ARHGEF6: variants seen among roughly 807,000 people sequenced by gnomAD.
The protein encoded by ARHGEF6 is Rac/Cdc42 guanine nucleotide exchange factor 6.
ARHGEF6 carries 9 observed loss-of-function variants against 70.3 expected under a neutral mutation model. The ratio of observed to expected loss-of-function variants is 0.13; its 90% CI spans 0.08 to 0.22. The LOEUF (loss-of-function observed/expected upper bound fraction) is 0.22. ARHGEF6 is among the 10% of genes least tolerant of loss of function. The pLI, the probability that ARHGEF6 is intolerant of heterozygous loss-of-function variation, is 1.00. For missense variants in ARHGEF6, 470 were observed against 563.0 expected, an observed-to-expected ratio of 0.83 and a Z score of 1.67; for synonymous variants, 201 against 207.8, an observed-to-expected ratio of 0.97 and a Z score of 0.28.
chrX:136,671,442 A>G (rs573635403), intron 20 of ARHGEF6, among the ~76,000 whole-genome samples: 1 of 112,500 alleles, frequency 8.9e-6, no homozygotes, highest in South Asian at 3.7e-4. Flanking sequence ...TAATTTTATG[A>G]GCCAGAAGGT....
intron 6 of ARHGEF6, among the ~76,000 whole-genome samples, chrX:136,723,886 C>T (rs757229806): frequency 6.3e-5 from 7 of 110,563 alleles, no homozygotes; most frequent in Non-Finnish European, 7.6e-5. Context: ...AATCAAATCG[C>T]GCCACTGCAC....
intron 12 of ARHGEF6, among the ~76,000 whole-genome samples, chrX:136,684,845 A>C (rs2076368379): frequency 9.0e-6 from 1 of 111,360 alleles, no homozygotes; most frequent in East Asian, 2.8e-4. Flanking sequence ...ACTCCTTCTC[A>C]CTTTCCATCC....
At chrX:136,773,143 G>A (rs664495) in intron 2 of ARHGEF6, among the ~76,000 whole-genome samples, 39,687 of 110,147 alleles carry the variant, frequency 0.36, 6,001 homozygotes, top group East Asian at 0.69. Context: ...TCAATTTGTC[G>A]GTACGGTGCT....
chrX:136,744,788 C>A (rs187989019), intron 4 of ARHGEF6, among the ~76,000 whole-genome samples: 1 of 111,779 alleles, frequency 8.9e-6, no homozygotes, highest in African/African-American at 3.3e-5. Flanking sequence ...TAAAATCAAG[C>A]CTTCCTCATT....
intron 19 of ARHGEF6, 86 bp from the exon 20 acceptor site, chrX:136,672,205 T>G: frequency 1.4e-6 from 1 of 736,783 alleles, no homozygotes. Flanking sequence ...TTTCCACTAT[T>G]GTTACAGAAG....
Position 136,754,348 on chromosome X carries a change from G to A in ARHGEF6, c.250-6756C>T, listed in dbSNP as rs778997879. 5.4e-5 allele frequency among the ~76,000 whole-genome samples: 6 copies of A among 110,952 alleles called. No homozygotes were observed. The East Asian group carries it at 1.4e-3, about 26-fold the overall frequency. On this transcript the variant is annotated intron_variant, in intron 2 of 21. Coordinates refer to ENST00000250617, the MANE Select transcript of ARHGEF6 (RefSeq NM_004840.3). Reference sequence around the variant, plus strand: ...CACCTGTAATCCCAGCACCTTGGGAGGCCGAGGTAGGTGGATCACTTGAGT... The same window carrying A: ...CACCTGTAATCCCAGCACCTTGGGAAGCCGAGGTAGGTGGATCACTTGAGT...
intron 18 of ARHGEF6, among the ~76,000 whole-genome samples, chrX:136,676,184 T>C (rs753907213): frequency 3.2e-4 from 36 of 112,225 alleles, no homozygotes; most frequent in Non-Finnish European, 6.0e-4. Flanking sequence ...TGAAACTATG[T>C]TTCTAGATGT....
chrX:136,680,817 A>C lies in ARHGEF6; in HGVS notation c.1618T>G (p.Leu540Val), dbSNP rs1194539794. 1 of 1,209,887 alleles carries C rather than the reference A, an allele frequency of 8.3e-7. No individual in the cohort carries two copies. The highest frequency in any genetic ancestry group is 3.0e-5 in the East Asian group (1 of 33,785). The change falls in exon 15 of 22, where the codon TTG becomes GTG. Residue 540 changes from leucine (L) to valine (V), a missense_variant. Leu to Val is a conservative substitution (Grantham distance 32, BLOSUM62 1). This residue lies in a region of ARHGEF6 where 379 missense variants were observed against 449.3 expected (regional missense o/e 0.84). Coordinates refer to ENST00000250617, the MANE Select transcript of ARHGEF6 (RefSeq NM_004840.3). ...CNNNQDFQEWLEQLNRLIRGP... is the reference protein window; with the variant it reads ...CNNNQDFQEWVEQLNRLIRGP... ...CTGATCAGTCTGTTCAGCTGCTCCA[A>C]CCATTCCTGGAAGTCCTGGTTGTTG... is the stretch of plus-strand genomic sequence containing the variant.
intron 5 of ARHGEF6, among the ~76,000 whole-genome samples, chrX:136,738,779 C>T (rs182648212): frequency 8.9e-6 from 1 of 112,482 alleles, no homozygotes; most frequent in African/African-American, 3.2e-5. Flanking sequence ...TCAAGCTGGA[C>T]CTCTAGACTT....
Position 136,743,728 on chromosome X carries a change from T to C in ARHGEF6, c.518A>G (p.Gln173Arg). Reference sequence around the variant, plus strand: ...AACTGACAGTTCATCCTCATTAGTCTGCTTAAAGTTGAATCTTGCTTTTAC... The same window carrying C: ...AACTGACAGTTCATCCTCATTAGTCCGCTTAAAGTTGAATCTTGCTTTTAC... Reference protein sequence around the residue: ...LIVKARFNFKQTNEDELSVCK... With the variant: ...LIVKARFNFKRTNEDELSVCK... Residue 173 changes from glutamine to arginine, a missense_variant, in exon 5 of 22, where the codon CAG becomes CGG. By Grantham distance (43) the Gln-to-Arg change is conservative. Coordinates refer to ENST00000250617, the MANE Select transcript of ARHGEF6 (RefSeq NM_004840.3). 1 of 1,212,017 alleles carries C rather than the reference T, an allele frequency of 8.3e-7. No homozygotes were observed. The highest frequency in any genetic ancestry group is 3.0e-5 in the East Asian group (1 of 33,848).
At chrX:136,708,264 G>A (rs912426018) in intron 8 of ARHGEF6, among the ~76,000 whole-genome samples, 1 of 109,897 alleles carries the variant, frequency 9.1e-6, no homozygotes, top group Non-Finnish European at 1.9e-5. Flanking sequence ...CCTAATGCAT[G>A]CAGGGCTTAA....
chrX:136,684,929 C>T (rs1036286251), intron 12 of ARHGEF6, among the ~76,000 whole-genome samples: 1 of 111,865 alleles, frequency 8.9e-6, no homozygotes, highest in African/African-American at 3.3e-5. Context: ...TAGTGTGAAA[C>T]ATCCCTTTCG....
rs749267564 is a variant in ARHGEF6, at chrX:136,776,524, G to A, written c.249+2890C>T. ...TGAACCTGGATCCTCATCTCTCACC[G>A]CATCTCTCATCTCTCACCTCTCTAC... On this transcript the variant is annotated intron_variant, in intron 2 of 21. Coordinates refer to ENST00000250617, the MANE Select transcript of ARHGEF6 (RefSeq NM_004840.3). 1.3e-4 allele frequency among the ~76,000 whole-genome samples: 14 copies of A among 111,169 alleles called. 1 individual carries two copies. In the East Asian group the frequency reaches 2.8e-3, roughly 22 times the overall value.
chrX:136,697,637 G>C (rs1283462934), intron 9 of ARHGEF6, among the ~76,000 whole-genome samples: 1 of 112,394 alleles, frequency 8.9e-6, no homozygotes. Context: ...CTGCATGCCT[G>C]ACCAAGGCTG....
intron 8 of ARHGEF6, 50 bp downstream of exon 8, chrX:136,708,625 C>G (rs777851133): frequency 9.3e-6 from 10 of 1,075,369 alleles, no homozygotes; most frequent in Non-Finnish European, 1.3e-5. Context: ...GAAAACAAAA[C>G]ACAAACAGCA....
intron 5 of ARHGEF6, among the ~76,000 whole-genome samples, chrX:136,740,764 G>C (rs1385867275): frequency 8.9e-6 from 1 of 111,790 alleles, no homozygotes; most frequent in Non-Finnish European, 1.9e-5. Flanking sequence ...AGGTCCCCTC[G>C]CAGTGCTTGG....
chrX:136,675,113 A>G lies in ARHGEF6; in HGVS notation c.1946-17T>C, dbSNP rs1316079508. ...CAGCTGTACCTGTGAAATTTAATTC[A>G]TCATGACTTTTCATAGATATATGCT... On this transcript the variant is annotated splice_polypyrimidine_tract_variant and intron_variant, in intron 18 of 21. Transcript: ENST00000250617. 1 of 1,181,630 alleles carries G rather than the reference A, an allele frequency of 8.5e-7. No individual in the cohort carries two copies. The highest frequency in any genetic ancestry group is 2.2e-5 in the Admixed American group (1 of 45,959).
rs755270718 is a variant in ARHGEF6, at chrX:136,703,765, G to A, written c.1046+3143C>T. 5.0e-4 allele frequency among the ~76,000 whole-genome samples: 56 copies of A among 112,515 alleles called. No homozygotes were observed. In the South Asian group the frequency reaches 0.01, roughly 20 times the overall value. ...TCAAACTCCTGACCTCAGGTGATCC[G>A]CCCGCCTTGGCCTCCCAAAGTGCTG... On this transcript the variant is annotated intron_variant, in intron 9 of 21. Coordinates refer to ENST00000250617, the MANE Select transcript of ARHGEF6 (RefSeq NM_004840.3).
At chrX:136,709,898 G>A (rs753646745) in intron 7 of ARHGEF6, among the ~76,000 whole-genome samples, 6 of 111,098 alleles carry the variant, frequency 5.4e-5, no homozygotes, top group African/African-American at 1.3e-4. Context: ...CCTGGGAGGC[G>A]GAAGTTGCAG....
Sources: allele counts gnomAD v4.1 joint callset (sites outside exome capture counted in the v4.1 genomes callset), GRCh38; gene constraint gnomAD v4.1.1; regional missense constraint gnomAD v4.1.1; transcripts MANE v1.5; gene names NCBI Gene and HGNC (gene_info 2026-07-23, HGNC 2026-07-21).